MSI2: variants seen among roughly 807,000 people sequenced by gnomAD.
MSI2 encodes the protein musashi RNA binding protein 2.
MSI2 carries 17 observed loss-of-function variants against 45.6 expected under a neutral mutation model. That is an observed-to-expected ratio of 0.37 (90% CI 0.26 to 0.56). MSI2 has a LOEUF of 0.56. MSI2 is among the 20% of genes least tolerant of loss of function. The pLI, the probability that MSI2 is intolerant of heterozygous loss-of-function variation, is 0.77. For synonymous variants in MSI2, 156 were observed against 158.2 expected (o/e 0.99, Z 0.11); for missense variants, 293 against 444.2 (o/e 0.66, Z 3.06).
the MSI2 span, among the ~76,000 whole-genome samples, chr17:57,700,818 C>G: frequency 6.6e-6 from 1 of 151,908 alleles, no homozygotes; most frequent in Non-Finnish European, 1.5e-5. Context: ...AGGAGAATCG[C>G]TTGAACTCGA....
At chr17:57,492,714 C>A (rs1001614343) in intron 6 of MSI2, among the ~76,000 whole-genome samples, 1 of 152,192 alleles carries the variant, frequency 6.6e-6, no homozygotes, top group Admixed American at 6.5e-5. Context: ...ATTCTCCTGC[C>A]TCAGCCTCCC....
chr17:57,564,780 C>T (rs926450432), intron 7 of MSI2, among the ~76,000 whole-genome samples: 6 of 152,154 alleles, frequency 3.9e-5, no homozygotes, highest in African/African-American at 9.7e-5. Flanking sequence ...ATAAATGATG[C>T]GAGCACACAG....
intron 10 of MSI2, chr17:57,632,675 T>C (rs3826301): frequency 0.21 from 221,784 of 1,065,864 alleles, 23,659 homozygotes; most frequent in East Asian, 0.34. Flanking sequence ...TGGCTTGACT[T>C]CCTTCATTTC....
At chr17:57,486,011 G>C (rs1158296938) in intron 6 of MSI2, among the ~76,000 whole-genome samples, 1 of 152,210 alleles carries the variant, frequency 6.6e-6, no homozygotes, top group Admixed American at 6.5e-5. Flanking sequence ...CTGCAGGGAG[G>C]GGGTCGGTTT....
At chr17:57,511,877 A>C (rs903816892) in intron 6 of MSI2, among the ~76,000 whole-genome samples, 2 of 152,162 alleles carry the variant, frequency 1.3e-5, no homozygotes, top group African/African-American at 4.8e-5. Context: ...GCCCACACAG[A>C]CAGCTGTGCT....
At position 57,529,835 on chromosome 17, in the gene MSI2, G is replaced by A; in HGVS notation, c.454+111G>A. On this transcript the variant is annotated intron_variant, in intron 7 of 13. Transcript: ENST00000284073. This position sits in a 1 kb window ranked among gnomAD's most constrained non-coding sequence, Gnocchi z 5.3. ...CAGTGAAGAGTCCAGAGTCAAGCAG[G>A]TAGAGGTGACCATCCATTGAAGATC... 1 of 841,360 alleles carries A rather than the reference G, an allele frequency of 1.2e-6. No homozygotes were observed. Among genetic ancestry groups the A allele is most frequent in the Non-Finnish European group, 1.9e-6 (1 of 533,630 alleles). The allele number at this position is 841,360 out of a possible 1,614,324, so 52.1% of individuals were successfully genotyped here.
At chr17:57,295,720 C>T (rs575843269) in intron 5 of MSI2, among the ~76,000 whole-genome samples, 39 of 152,254 alleles carry the variant, frequency 2.6e-4, no homozygotes, top group African/African-American at 8.9e-4. Context: ...GTATAAACAG[C>T]TGTCTTGCTG....
chr17:57,296,785 T>C (rs1452716166), intron 5 of MSI2, among the ~76,000 whole-genome samples: 1 of 152,198 alleles, frequency 6.6e-6, no homozygotes, highest in African/African-American at 2.4e-5. Flanking sequence ...ATGTAAGAGA[T>C]GAACATTAGG....
At chr17:57,550,086 C>A (rs1167318486) in intron 7 of MSI2, among the ~76,000 whole-genome samples, 1 of 152,206 alleles carries the variant, frequency 6.6e-6, no homozygotes, top group East Asian at 1.9e-4. Context: ...CCTTAGTTGT[C>A]AGTGAATGCG....
At chr17:57,623,924 G>A (rs541368565) in intron 9 of MSI2, among the ~76,000 whole-genome samples, 121 of 152,288 alleles carry the variant, frequency 7.9e-4, no homozygotes, top group Middle Eastern at 6.8e-3. Context: ...GAGGATGTTC[G>A]GCGATTGGGG....
chr17:57,501,448 A>C (rs963112774), intron 6 of MSI2, among the ~76,000 whole-genome samples: 3 of 152,188 alleles, frequency 2.0e-5, no homozygotes, highest in African/African-American at 7.2e-5. Flanking sequence ...CTCACTCTTC[A>C]TCCCACGGCC....
chr17:57,698,793 T>C, the MSI2 span, among the ~76,000 whole-genome samples: 199 of 152,156 alleles, frequency 1.3e-3, no homozygotes, highest in African/African-American at 4.6e-3. Context: ...AGGAGTAAAG[T>C]TCCCTTCTCT....
chr17:57,608,912 G>A (rs10163523), intron 8 of MSI2, among the ~76,000 whole-genome samples: 10,143 of 152,236 alleles, frequency 0.067, 574 homozygotes, highest in African/African-American at 0.16. Flanking sequence ...GCTTGTGATT[G>A]GCAGAGGGGG....
chr17:57,697,848 A>G, the MSI2 span, among the ~76,000 whole-genome samples: 1 of 152,194 alleles, frequency 6.6e-6, no homozygotes, highest in East Asian at 1.9e-4. Context: ...CTCCAACAAC[A>G]CGTGGGAATT....
intron 6 of MSI2, among the ~76,000 whole-genome samples, chr17:57,468,212 A>G (rs960605350): frequency 6.6e-6 from 1 of 151,818 alleles, no homozygotes; most frequent in African/African-American, 2.4e-5. Flanking sequence ...CAACGAGACA[A>G]TGCACACAGA....
chr17:57,618,607 G>A (rs11655545), intron 9 of MSI2, among the ~76,000 whole-genome samples: 20,742 of 152,050 alleles, frequency 0.14, 1,985 homozygotes, highest in East Asian at 0.46. Flanking sequence ...GCCGTGGCGC[G>A]ATCTCAGCTC....
intron 11 of MSI2, among the ~76,000 whole-genome samples, chr17:57,668,880 C>G (rs377625283): frequency 5.3e-5 from 8 of 152,260 alleles, no homozygotes; most frequent in African/African-American, 1.4e-4. Context: ...AATTGATTGT[C>G]CCTGCATCTG....
At chr17:57,400,629 TG>T (rs2083972036) in intron 5 of MSI2, among the ~76,000 whole-genome samples, 1 of 151,964 alleles carries the variant, frequency 6.6e-6, no homozygotes, top group Non-Finnish European at 1.5e-5. Flanking sequence ...CAGAAAAGGG[TG>T]GACTAACTCC....
intron 5 of MSI2, among the ~76,000 whole-genome samples, chr17:57,341,598 A>G (rs939997696): frequency 2.0e-5 from 3 of 152,230 alleles, no homozygotes; most frequent in African/African-American, 7.2e-5. Context: ...TGTGCTGAGA[A>G]CATGACTTTT....
Sources: allele counts gnomAD v4.1 joint callset (sites outside exome capture counted in the v4.1 genomes callset), GRCh38; gene constraint gnomAD v4.1.1; non-coding constraint Gnocchi (gnomAD v3.1); transcripts MANE v1.5; gene names NCBI Gene and HGNC (gene_info 2026-07-23, HGNC 2026-07-21).